ESR1: variants seen among roughly 807,000 people sequenced by gnomAD.
ESR1 encodes estrogen receptor.
In ESR1, 12 loss-of-function variants were observed where a neutral mutation model predicts 52.7. The ratio of observed to expected loss-of-function variants is 0.23; its 90% confidence interval spans 0.15 to 0.37. The LOEUF is 0.37. ESR1 is among the 10% of genes least tolerant of loss of function. The pLI, the probability that ESR1 is intolerant of heterozygous loss-of-function variation, is 1.00. For synonymous variants in ESR1, 305 were observed against 316.8 expected (o/e 0.96, Z 0.39); for missense variants, 584 against 779.7 (o/e 0.75, Z 2.99).
chr6:151,818,224 G>C (rs1779983235), intron 1 of ESR1, among the ~76,000 whole-genome samples: 1 of 152,162 alleles, frequency 6.6e-6, no homozygotes, highest in African/African-American at 2.4e-5. Context: ...TTCCTCATGT[G>C]AACTCAGAAT....
chr6:151,796,343 G>A (rs1416168345), intron 2 of ESR1, among the ~76,000 whole-genome samples: 1 of 152,102 alleles, frequency 6.6e-6, no homozygotes, highest in Non-Finnish European at 1.5e-5. Context: ...GTGTGTGTGT[G>A]TTTTCTTCAA....
At chr6:151,891,745 A>G (rs1416550075) in intron 3 of ESR1, among the ~76,000 whole-genome samples, 1 of 152,156 alleles carries the variant, frequency 6.6e-6, no homozygotes, top group Non-Finnish European at 1.5e-5. Flanking sequence ...CATGAGTAAG[A>G]TATTAATATC....
At chr6:151,928,875 T>C (rs2033169708) in intron 3 of ESR1, among the ~76,000 whole-genome samples, 1 of 152,120 alleles carries the variant, frequency 6.6e-6, no homozygotes, top group African/African-American at 2.4e-5. Flanking sequence ...TTTCCAGCTA[T>C]CTTTCTGTTG....
At chr6:152,005,713 G>T (rs537329815) in intron 4 of ESR1, among the ~76,000 whole-genome samples, 1 of 152,196 alleles carries the variant, frequency 6.6e-6, no homozygotes, top group East Asian at 1.9e-4. Flanking sequence ...TGCTTTCAGA[G>T]ATATTAATTA....
At chr6:151,682,942 G>A (rs192939120) in intron 1 of ESR1, among the ~76,000 whole-genome samples, 25 of 152,338 alleles carry the variant, frequency 1.6e-4, no homozygotes, top group Non-Finnish European at 2.8e-4. Context: ...AAATTTAGTT[G>A]TGAGGAAAAT....
At chr6:151,913,319 G>A (rs985325811) in intron 3 of ESR1, among the ~76,000 whole-genome samples, 2 of 152,132 alleles carry the variant, frequency 1.3e-5, no homozygotes, top group African/African-American at 4.8e-5. Context: ...TCCCCCACAC[G>A]TAAACAGAAC....
Position 151,889,165 on chromosome 6 carries a change from G to GTAA in ESR1, c.760+8396_760+8398dup, listed in dbSNP as rs9340859. 3.0e-4 allele frequency among the ~76,000 whole-genome samples: 45 copies of GTAA among 152,254 alleles called. No individual in the cohort carries two copies. The East Asian group carries it at 7.5e-3, about 25-fold the overall frequency. On this transcript the variant is annotated intron_variant, in intron 3 of 7. Coordinates refer to ENST00000206249, the MANE Select transcript of ESR1 (RefSeq NM_000125.4). Reference sequence around the variant, plus strand: ...ACCCTTGTCTGGCTTTAGTATCACAGTAATGCTGGCCTTGTAAAATGAGTT... The same window carrying GTAA: ...ACCCTTGTCTGGCTTTAGTATCACAGTAATAATGCTGGCCTTGTAAAATGAGTT...
In ESR1 at chr6:152,098,345, T is replaced by C. The variant is rs1246852209; in HGVS notation, c.1554-387T>C. 6.6e-6 allele frequency among the ~76,000 whole-genome samples: 1 copy of C among 152,030 alleles called. No individual in the cohort carries two copies. Among genetic ancestry groups the C allele is most frequent in the Non-Finnish European group, 1.5e-5 (1 of 68,020 alleles). ...CACTCCTGCTTGGCTGAATATCTCA[T>C]GTTGTCTTTTTAGAAGCTTTGGCGA... On this transcript the variant is annotated intron_variant, in intron 7 of 7. Coordinates refer to ENST00000206249, the MANE Select transcript of ESR1 (RefSeq NM_000125.4). This position sits in a 1 kb window ranked among gnomAD's most constrained non-coding sequence, Gnocchi z 5.1.
intron 1 of ESR1, among the ~76,000 whole-genome samples, chr6:151,674,714 C>T (rs534939139): frequency 9.2e-5 from 14 of 152,216 alleles, no homozygotes; most frequent in Admixed American, 3.3e-4. Context: ...TTTTAATGAT[C>T]GCCATTCTAA....
chr6:152,085,682 A>G (rs547256260), intron 6 of ESR1, among the ~76,000 whole-genome samples: 93 of 152,158 alleles, frequency 6.1e-4, no homozygotes, highest in Non-Finnish European at 4.7e-4. Flanking sequence ...CGAGGGCTCC[A>G]GAAGCAAGTG....
At chr6:152,081,542 A>G (rs2049213706) in intron 6 of ESR1, among the ~76,000 whole-genome samples, 1 of 151,834 alleles carries the variant, frequency 6.6e-6, no homozygotes, top group Non-Finnish European at 1.5e-5. Flanking sequence ...TAAAATCGAC[A>G]CCCTAACATC....
At chr6:151,737,149 TA>T (rs1312692199) in intron 2 of ESR1, among the ~76,000 whole-genome samples, 5 of 152,328 alleles carry the variant, frequency 3.3e-5, no homozygotes, top group Non-Finnish European at 5.9e-5. Context: ...TTCAGCTACA[TA>T]ATGTTCTATT....
Position 151,936,804 on chromosome 6 carries a change from C to T in ESR1, c.761-7369C>T, listed in dbSNP as rs531493653. 2.6e-5 allele frequency among the ~76,000 whole-genome samples: 4 copies of T among 152,226 alleles called. No individual in the cohort carries two copies. The South Asian group carries it at 8.3e-4, about 32-fold the overall frequency. ...ACTGGAGAGAAGTTTCAGGCCACAG[C>T]AAGTGGGGAGGAACCTAGGTGTAAG... is the stretch of plus-strand genomic sequence containing the variant. On this transcript the variant is annotated intron_variant, in intron 3 of 7. Coordinates refer to ENST00000206249, the MANE Select transcript of ESR1 (RefSeq NM_000125.4).
At chr6:152,063,955 T>C (rs995686180) in intron 6 of ESR1, among the ~76,000 whole-genome samples, 2 of 152,212 alleles carry the variant, frequency 1.3e-5, no homozygotes, top group African/African-American at 2.4e-5. Context: ...CTGCTCGGAA[T>C]GTCTTTCTGG....
chr6:152,035,464 T>A (rs2045207856), intron 5 of ESR1, among the ~76,000 whole-genome samples: 1 of 152,020 alleles, frequency 6.6e-6, no homozygotes, highest in African/African-American at 2.4e-5. Flanking sequence ...CTATACCATG[T>A]TTATGGTTAG....
chr6:152,063,513 G>C (rs750237023), intron 6 of ESR1, among the ~76,000 whole-genome samples: 11 of 152,182 alleles, frequency 7.2e-5, no homozygotes, highest in Non-Finnish European at 1.6e-4. Flanking sequence ...CTGAAAAACA[G>C]CATCAAAGAG....
At chr6:151,695,545 C>T (rs564538285) in intron 1 of ESR1, among the ~76,000 whole-genome samples, 18 of 152,180 alleles carry the variant, frequency 1.2e-4, no homozygotes, top group Non-Finnish European at 2.5e-4. Context: ...CATACCTCCT[C>T]CCCTAGATTG....
At chr6:151,795,993 CA>C (rs78880143) in intron 2 of ESR1, among the ~76,000 whole-genome samples, 73,999 of 145,736 alleles carry the variant, frequency 0.51, 18,847 homozygotes, top group African/African-American at 0.62. Context: ...CTAAAAATAC[CA>C]AAAAAAAAAA....
At chr6:151,826,542 A>G (rs925860540) in intron 1 of ESR1, among the ~76,000 whole-genome samples, 1 of 152,348 alleles carries the variant, frequency 6.6e-6, no homozygotes, top group Non-Finnish European at 1.5e-5. Context: ...ACTCTGCTTT[A>G]TTAACTTTGT....
Sources: allele counts gnomAD v4.1 joint callset (sites outside exome capture counted in the v4.1 genomes callset), GRCh38; gene constraint gnomAD v4.1.1; non-coding constraint Gnocchi (gnomAD v3.1); transcripts MANE v1.5; gene names NCBI Gene and HGNC (gene_info 2026-07-23, HGNC 2026-07-21).